The following ZDHHC20 variants were observed in gnomAD, a reference collection of about 807,000 sequenced individuals.
ZDHHC20 encodes palmitoyltransferase ZDHHC20.
In ZDHHC20, 43 loss-of-function variants were observed where a neutral mutation model predicts 57.8. The observed-to-expected ratio is 0.74, with a 90% CI of 0.58 to 0.96. The LOEUF (loss-of-function observed/expected upper bound fraction) is 0.96, where lower values mean the gene tolerates loss of function less well. Ranked by LOEUF, ZDHHC20 falls within the 40% of genes least tolerant of loss-of-function variation. The pLI is 0.00. For synonymous variants in ZDHHC20, 157 were observed against 153.0 expected (o/e 1.03, Z -0.19); for missense variants, 391 against 441.1 (o/e 0.89, Z 1.02).
chr13:21,436,609 G>A (rs1232602774), intron 1 of ZDHHC20, among the ~76,000 whole-genome samples: 5 of 152,138 alleles, frequency 3.3e-5, no homozygotes, highest in African/African-American at 4.8e-5. Flanking sequence ...AATAAATGTG[G>A]TGTTTCTACC....
chr13:21,422,126 TG>T (rs1880711582), intron 2 of ZDHHC20, among the ~76,000 whole-genome samples: 1 of 152,126 alleles, frequency 6.6e-6, no homozygotes, highest in Non-Finnish European at 1.5e-5. Context: ...CAATAAATAC[TG>T]ATTATTAATA....
At chr13:21,450,736 G>C (rs552016235) in intron 1 of ZDHHC20, among the ~76,000 whole-genome samples, 2 of 150,212 alleles carry the variant, frequency 1.3e-5, no homozygotes, top group Non-Finnish European at 3.0e-5. Context: ...GATGCGAAAT[G>C]ATAAAATTAA....
intron 1 of ZDHHC20, among the ~76,000 whole-genome samples, chr13:21,439,042 T>C (rs964646351): frequency 2.0e-5 from 3 of 152,228 alleles, no homozygotes; most frequent in Admixed American, 6.5e-5. Context: ...AACTTTTATA[T>C]GCAGTAGGAA....
chr13:21,447,587 A>G (rs1037031741), intron 1 of ZDHHC20, among the ~76,000 whole-genome samples: 2 of 144,362 alleles, frequency 1.4e-5, no homozygotes, highest in African/African-American at 5.0e-5. Context: ...CTCAGTGCTC[A>G]ATGGTGCCCA....
chr13:21,404,334 G>A, intron 4 of ZDHHC20: 1 of 500,968 alleles, frequency 2.0e-6, no homozygotes, highest in Admixed American at 2.0e-5. Context: ...TTTGTAGACT[G>A]CATGAGGCCT....
At chr13:21,390,169 T>G (rs1457697515) in intron 8 of ZDHHC20, 1 of 152,224 alleles carries the variant, frequency 6.6e-6, no homozygotes, top group African/African-American at 2.4e-5. Context: ...TTTTCTGTAA[T>G]TAAAAACTGT....
chr13:21,424,531 A>G (rs1881029592), intron 2 of ZDHHC20, among the ~76,000 whole-genome samples: 1 of 152,100 alleles, frequency 6.6e-6, no homozygotes, highest in South Asian at 2.1e-4. Context: ...AACACAGTAA[A>G]ACCCCGTCTC....
intron 4 of ZDHHC20, among the ~76,000 whole-genome samples, chr13:21,407,018 T>C (rs1878543246): frequency 6.6e-6 from 1 of 152,158 alleles, no homozygotes; most frequent in Non-Finnish European, 1.5e-5. Flanking sequence ...AGTGTTTCTA[T>C]TTCTTTGTCA....
At chr13:21,433,309 G>C (rs1277570490) in intron 1 of ZDHHC20, among the ~76,000 whole-genome samples, 2 of 151,674 alleles carry the variant, frequency 1.3e-5, no homozygotes, top group Non-Finnish European at 2.9e-5. Context: ...TCATCTTATT[G>C]ATTTCCTTAA....
intron 7 of ZDHHC20, among the ~76,000 whole-genome samples, chr13:21,395,792 G>A (rs1593200383): frequency 6.6e-6 from 1 of 152,010 alleles, no homozygotes; most frequent in Admixed American, 6.6e-5. Flanking sequence ...AAGCCACCGC[G>A]CCCCAACCCT....
rs1871493927 is a variant in ZDHHC20, at chr13:21,373,237, A to G, written c.*3459T>C. On this transcript the variant is annotated 3_prime_UTR_variant, in exon 13 of 13. Coordinates refer to ENST00000400590, the MANE Select transcript of ZDHHC20 (RefSeq NM_001330059.2). ...TTATTTGTAAGTTACTGCCTATTCA[A>G]TGCCCAGAATATGTAGATCCTAAAT... is the stretch of plus-strand genomic sequence containing the variant. 1 of 152,208 alleles carries G rather than the reference A, an allele frequency of 6.6e-6. No individual in the cohort carries two copies. Among genetic ancestry groups the G allele is most frequent in the East Asian group, 1.9e-4 (1 of 5,204 alleles). The allele number at this position is 152,208 out of a possible 1,614,324, so 9.4% of individuals were successfully genotyped here.
At position 21,421,063 on chromosome 13, in the gene ZDHHC20, C is replaced by T; in HGVS notation, c.247G>A (p.Glu83Lys). 1 of 1,611,406 alleles carries T rather than the reference C, an allele frequency of 6.2e-7. No individual in the cohort carries two copies. Among genetic ancestry groups the T allele is most frequent in the South Asian group, 1.1e-5 (1 of 90,954 alleles). Residue 83 changes from glutamate (E) to lysine (K), a missense_variant and splice_region_variant, in exon 3 of 13, where the codon GAG becomes AAG. Physicochemically the swap from Glu to Lys is moderately conservative, Grantham distance 56. Around this residue, in one of 3 missense-constraint regions of ZDHHC20, gnomAD observed 185 missense variants for 188.0 expected, o/e 0.98. Coordinates refer to ENST00000400590, the MANE Select transcript of ZDHHC20 (RefSeq NM_001330059.2). ...IFTSPASPSK[E>K]FYLSNSEKER... ...TAATTTACCAACATTAAATTTACCT[C>T]TTTGGAGGGGGAAGCGGGAGATGTG...
intron 4 of ZDHHC20, among the ~76,000 whole-genome samples, chr13:21,409,186 C>A (rs1878866106): frequency 6.6e-6 from 1 of 152,128 alleles, no homozygotes; most frequent in Admixed American, 6.5e-5. Context: ...AGGAATGGTA[C>A]CACCTCCTCT....
At chr13:21,379,439 G>A (rs1304217438) in intron 11 of ZDHHC20, among the ~76,000 whole-genome samples, 1 of 151,884 alleles carries the variant, frequency 6.6e-6, no homozygotes, top group African/African-American at 2.4e-5. Flanking sequence ...ATGCTATCAG[G>A]CCTAGAAAAT....
chr13:21,431,486 T>TAAAC (rs1881942256), intron 1 of ZDHHC20, among the ~76,000 whole-genome samples: 1 of 103,296 alleles, frequency 9.7e-6, no homozygotes, highest in Non-Finnish European at 2.3e-5. Context: ...CATTACTTAA[T>TAAAC]ATCTAAAAAT....
chr13:21,400,088 G>A (rs1877403424), intron 7 of ZDHHC20, among the ~76,000 whole-genome samples: 3 of 151,054 alleles, frequency 2.0e-5, no homozygotes, highest in Admixed American at 2.0e-4. Context: ...TCAAAGAAAA[G>A]CAATTTACCT....
chr13:21,459,088 C>A lies in ZDHHC20; in HGVS notation c.84G>T (p.Trp28Cys), dbSNP rs1240412005. Residue 28 changes from tryptophan to cysteine, a missense_variant, in exon 1 of 13, where the codon TGG (tryptophan) becomes TGT (cysteine). By Grantham distance (215) the Trp-to-Cys change is radical. Around this residue, in one of 3 missense-constraint regions of ZDHHC20, gnomAD observed 185 missense variants for 188.0 expected, o/e 0.98. Coordinates refer to ENST00000400590, the MANE Select transcript of ZDHHC20 (RefSeq NM_001330059.2). Reference protein sequence around the residue: ...PVLFITFVVVWSYYAYVVELC... With the variant: ...PVLFITFVVVCSYYAYVVELC... Reference sequence around the variant, plus strand: ...GCTCCACCACGTACGCGTAGTAGGACCAGACGACCACGAAGGTGATGAAGA... The same window carrying A: ...GCTCCACCACGTACGCGTAGTAGGAACAGACGACCACGAAGGTGATGAAGA... 3.7e-6 allele frequency: 6 copies of A among 1,606,602 alleles called. No homozygotes were observed. The African/African-American group carries it at 4.1e-5, about 11-fold the overall frequency.
At chr13:21,381,287 T>G in intron 11 of ZDHHC20, 147 bp downstream of exon 11, 33 of 691,304 alleles carry the variant, frequency 4.8e-5, no homozygotes, top group Non-Finnish European at 7.1e-5. Flanking sequence ...ATTACAGGCG[T>G]GAGCCACCGC....
At chr13:21,393,725 A>G (rs920162273) in intron 7 of ZDHHC20, among the ~76,000 whole-genome samples, 7 of 138,690 alleles carry the variant, frequency 5.0e-5, no homozygotes, top group Non-Finnish European at 1.1e-4. Flanking sequence ...AAAAAAAAAA[A>G]AAAAGGTACA....
Sources: gnomAD v4.1 joint callset for allele counts (sites outside exome capture counted in the v4.1 genomes callset) on GRCh38, gnomAD v4.1.1 for gene constraint, gnomAD v4.1.1 regional missense constraint, MANE v1.5 for transcripts, NCBI Gene and HGNC (gene_info 2026-07-23, HGNC 2026-07-21) for gene names.